LRRC72: variants seen among roughly 807,000 people sequenced by gnomAD.
The protein encoded by LRRC72 is leucine rich repeat containing 72.
LRRC72 carries 41 observed loss-of-function variants against 35.8 expected under a neutral mutation model. The ratio of observed to expected loss-of-function variants is 1.15; its 90% CI spans 0.89 to 1.49. The LOEUF (loss-of-function observed/expected upper bound fraction) is 1.49. LRRC72 is among the 40% of genes most tolerant of loss of function. The pLI is 0.00. For missense variants in LRRC72, 389 were observed against 330.7 expected (o/e 1.18, Z -1.37); for synonymous variants, 118 against 119.2 (o/e 0.99, Z 0.07).
intron 7 of LRRC72, among the ~76,000 whole-genome samples, chr7:16,573,992 T>A (rs965345880): frequency 9.9e-5 from 15 of 152,136 alleles, no homozygotes; most frequent in African/African-American, 3.6e-4. Context: ...GAGTGAAGCA[T>A]ATGAACAGGC....
chr7:16,567,604 G>A (rs1278290556), intron 7 of LRRC72, 61 bp downstream of exon 7: 5 of 1,274,714 alleles, frequency 3.9e-6, no homozygotes, highest in African/African-American at 3.1e-5. Flanking sequence ...TCAAACTTTT[G>A]GGTAATTTGA....
chr7:16,556,844 C>A (rs1226387893), intron 3 of LRRC72, among the ~76,000 whole-genome samples: 2 of 152,148 alleles, frequency 1.3e-5, no homozygotes. Flanking sequence ...GTTTAGTATG[C>A]CTTGCTGGCC....
intron 3 of LRRC72, among the ~76,000 whole-genome samples, chr7:16,547,597 G>T (rs997792175): frequency 1.3e-5 from 2 of 152,194 alleles, no homozygotes; most frequent in African/African-American, 4.8e-5. Context: ...CCTACTGTCT[G>T]GCTTCTCCCT....
chr7:16,577,435 G>A (rs1783060944), intron 7 of LRRC72, among the ~76,000 whole-genome samples: 1 of 152,098 alleles, frequency 6.6e-6, no homozygotes. Context: ...GGAAGTTCTG[G>A]AAGAAAATAC....
intron 7 of LRRC72, among the ~76,000 whole-genome samples, chr7:16,571,239 G>C (rs1274417841): frequency 6.6e-6 from 1 of 152,118 alleles, no homozygotes. Context: ...TTGGCCAAGA[G>C]CATTCCAAGT....
intron 3 of LRRC72, among the ~76,000 whole-genome samples, chr7:16,547,062 C>T (rs747429243): frequency 6.6e-6 from 1 of 152,170 alleles, no homozygotes; most frequent in African/African-American, 2.4e-5. Context: ...CCTCCACCCT[C>T]GCACAGCCAG....
At position 16,533,172 on chromosome 7, in the gene LRRC72, C is replaced by A. The variant is rs562293676; in HGVS notation, c.164+604C>A. ...ATTACTATTATTAGGAATCATTATA[C>A]CACATACTATGATAATGAACTCCAT... On this transcript the variant is annotated intron_variant, in intron 2 of 8. Transcript: ENST00000401542. 9.9e-5 allele frequency among the ~76,000 whole-genome samples: 15 copies of A among 152,116 alleles called. No individual in the cohort carries two copies. The East Asian group carries it at 2.7e-3, about 27-fold the overall frequency.
At chr7:16,581,205 A>G (rs1783135207) in intron 8 of LRRC72, 119 bp from the exon 9 acceptor site, 3 of 808,640 alleles carry the variant, frequency 3.7e-6, no homozygotes, top group Non-Finnish European at 5.4e-6. Context: ...TGTTAGTGGT[A>G]CTATACTACA....
chr7:16,577,120 A>G (rs1281787919), intron 7 of LRRC72, among the ~76,000 whole-genome samples: 2 of 152,196 alleles, frequency 1.3e-5, no homozygotes, highest in Admixed American at 6.5e-5. Context: ...CTACCTATGC[A>G]TGAAGGTTCA....
At chr7:16,532,686 C>A in intron 2 of LRRC72, 118 bp downstream of exon 2, 1 of 800,334 alleles carries the variant, frequency 1.2e-6, no homozygotes, top group Non-Finnish European at 2.1e-6. Flanking sequence ...GGTAGGACTC[C>A]AATTATTTTA....
At chr7:16,566,244 T>C in intron 5 of LRRC72, 69 bp from the exon 6 acceptor site, 1 of 941,876 alleles carries the variant, frequency 1.1e-6, no homozygotes, top group Non-Finnish European at 1.5e-6. Flanking sequence ...TAATTTTTTG[T>C]ATTTTATAAG....
intron 3 of LRRC72, among the ~76,000 whole-genome samples, chr7:16,541,838 G>T (rs373291457): frequency 2.4e-4 from 37 of 152,328 alleles, no homozygotes; most frequent in African/African-American, 8.2e-4. Context: ...TTGAACTCGG[G>T]AGGTGGAGGT....
At chr7:16,577,171 G>A (rs1479685662) in intron 7 of LRRC72, among the ~76,000 whole-genome samples, 1 of 152,142 alleles carries the variant, frequency 6.6e-6, no homozygotes, top group East Asian at 1.9e-4. Context: ...GAGATTGTTT[G>A]GCATAGGGCT....
At chr7:16,551,912 T>C (rs545522728) in intron 3 of LRRC72, among the ~76,000 whole-genome samples, 3 of 152,178 alleles carry the variant, frequency 2.0e-5, no homozygotes, top group African/African-American at 7.2e-5. Flanking sequence ...GGGCTTGCAA[T>C]TGGCATCAGA....
chr7:16,569,287 A>G (rs846570), intron 7 of LRRC72, among the ~76,000 whole-genome samples: 99,605 of 151,984 alleles, frequency 0.66, 34,235 homozygotes, highest in African/African-American at 0.87. Context: ...TTAGCCAGGC[A>G]TGGTGGCACA....
chr7:16,555,616 T>TA (rs1782637157), intron 3 of LRRC72, among the ~76,000 whole-genome samples: 1 of 151,942 alleles, frequency 6.6e-6, no homozygotes, highest in Non-Finnish European at 1.5e-5. Flanking sequence ...CTACTAAAAA[T>TA]AAAAAATTAG....
intron 7 of LRRC72, among the ~76,000 whole-genome samples, chr7:16,568,447 G>A (rs1188942321): frequency 6.6e-6 from 1 of 152,154 alleles, no homozygotes; most frequent in Non-Finnish European, 1.5e-5. Context: ...GCTAAATGGA[G>A]AAAGAAAGCA....
At chr7:16,531,908 G>A (rs927426392) in intron 1 of LRRC72, among the ~76,000 whole-genome samples, 1 of 152,158 alleles carries the variant, frequency 6.6e-6, no homozygotes, top group African/African-American at 2.4e-5. Flanking sequence ...AGCAACTCAT[G>A]AGAAACGAAG....
At chr7:16,529,115 C>T (rs1299941676) in intron 1 of LRRC72, among the ~76,000 whole-genome samples, 1 of 152,190 alleles carries the variant, frequency 6.6e-6, no homozygotes, top group Non-Finnish European at 1.5e-5. Context: ...TAAGTACACA[C>T]TTCTGAGCCT....
Sources: gnomAD v4.1 joint callset for allele counts (sites outside exome capture counted in the v4.1 genomes callset) on GRCh38, gnomAD v4.1.1 for gene constraint, MANE v1.5 for transcripts, NCBI Gene and HGNC (gene_info 2026-07-23, HGNC 2026-07-21) for gene names.